Variants in TRIQK observed in about 807,000 individuals in gnomAD.
The protein encoded by TRIQK is triple QxxK/R motif containing.
Under a neutral mutation model 10.8 loss-of-function variants are expected in TRIQK, and 10 were observed. The observed-to-expected ratio is 0.92, with a 90% CI of 0.57 to 1.57. TRIQK has a LOEUF of 1.57. Among genes scored for constraint, TRIQK ranks in the 40% most tolerant of loss-of-function variants. The pLI, the probability that TRIQK is intolerant of heterozygous loss-of-function variation, is 0.00. For synonymous variants in TRIQK, 33 were observed against 33.7 expected, an observed-to-expected ratio of 0.98 and a Z score of 0.07; for missense variants, 107 against 97.7, an observed-to-expected ratio of 1.09 and a Z score of -0.40.
intron 4 of TRIQK, among the ~76,000 whole-genome samples, chr8:92,889,497 A>G (rs1250219394): frequency 6.6e-6 from 1 of 151,646 alleles, no homozygotes; most frequent in Non-Finnish European, 1.5e-5. Flanking sequence ...ACTAATATCC[A>G]TAATACTACC....
At chr8:92,937,246 A>G (rs531441732) in intron 2 of TRIQK, among the ~76,000 whole-genome samples, 1 of 140,526 alleles carries the variant, frequency 7.1e-6, no homozygotes, top group Admixed American at 6.9e-5. Flanking sequence ...AAAACAACTT[A>G]AAACATGAAA....
intron 3 of TRIQK, among the ~76,000 whole-genome samples, chr8:92,892,636 T>C (rs960956938): frequency 7.2e-5 from 11 of 151,930 alleles, no homozygotes; most frequent in Admixed American, 3.3e-4. Context: ...TTATTTCCTC[T>C]TAATAGAGAA....
At chr8:92,890,115 A>G (rs1816689376) in intron 4 of TRIQK, among the ~76,000 whole-genome samples, 1 of 151,802 alleles carries the variant, frequency 6.6e-6, no homozygotes, top group Non-Finnish European at 1.5e-5. Context: ...AAAGCATTAA[A>G]TGGCAATTGC....
chr8:92,922,345 G>C (rs545101327), intron 2 of TRIQK: 11 of 151,904 alleles, frequency 7.2e-5, no homozygotes, highest in African/African-American at 2.6e-4. Context: ...TTAATTGTGT[G>C]TGGCTAGGGA....
chr8:92,917,535 C>T (rs542119604), intron 2 of TRIQK, among the ~76,000 whole-genome samples: 1 of 151,888 alleles, frequency 6.6e-6, no homozygotes, highest in African/African-American at 2.4e-5. Flanking sequence ...AAAACTACTA[C>T]CATTTATTAA....
At position 92,883,757 on chromosome 8, in the gene TRIQK, CT is replaced by C. The variant is rs555238729; in HGVS notation, c.*2864del. The C allele has an allele frequency of 1.0e-3, 153 of 151,808 alleles. 1 individual carries two copies. Among genetic ancestry groups the C allele is most frequent in the African/African-American group, 3.4e-3 (140 of 41,486 alleles). The allele number at this position is 151,808 out of a possible 1,614,324, so 9.4% of individuals were successfully genotyped here. A position where few individuals can be genotyped will look rare whatever the true frequency, so the allele number is the denominator to read the frequency against. ...ATTGGTTGGGGTGAAAGTATTTCTT[CT>C]GTCTTCATGAAAAATTAAAAAGATA... On this transcript the variant is annotated 3_prime_UTR_variant, in exon 5 of 5. Transcript: ENST00000521988.
intron 2 of TRIQK, among the ~76,000 whole-genome samples, chr8:92,932,419 C>T (rs1810777837): frequency 6.6e-6 from 1 of 152,074 alleles, no homozygotes; most frequent in Admixed American, 6.6e-5. Flanking sequence ...ATACAGTGTT[C>T]TCATTGCATG....
intron 2 of TRIQK, among the ~76,000 whole-genome samples, chr8:92,940,526 C>T (rs1006044519): frequency 6.6e-6 from 1 of 151,850 alleles, no homozygotes; most frequent in Admixed American, 6.6e-5. Flanking sequence ...ATAAAAGAGA[C>T]AAAGAAGGTC....
intron 2 of TRIQK, among the ~76,000 whole-genome samples, chr8:92,924,261 T>C (rs558257160): frequency 1.5e-4 from 23 of 152,058 alleles, no homozygotes; most frequent in South Asian, 8.3e-4. Context: ...TTCCAGAGTA[T>C]TACAAATTTA....
intron 1 of TRIQK, among the ~76,000 whole-genome samples, chr8:92,992,748 G>T (rs1813108642): frequency 6.6e-6 from 1 of 152,094 alleles, no homozygotes; most frequent in African/African-American, 2.4e-5. Flanking sequence ...AGTTGAGTGG[G>T]GTCTGCTGAA....
chr8:92,909,869 G>C (rs542292831), intron 3 of TRIQK, among the ~76,000 whole-genome samples: 47 of 151,720 alleles, frequency 3.1e-4, no homozygotes, highest in African/African-American at 1.1e-3. Flanking sequence ...TGGGGATGTA[G>C]AGAAGTAAAA....
At chr8:93,015,151 A>G (rs748159655) in intron 1 of TRIQK, among the ~76,000 whole-genome samples, 2 of 151,908 alleles carry the variant, frequency 1.3e-5, no homozygotes, top group African/African-American at 2.4e-5. Context: ...ATTTATAGGT[A>G]TATGAACTAA....
intron 2 of TRIQK, among the ~76,000 whole-genome samples, chr8:92,942,828 G>T (rs1198071084): frequency 6.6e-6 from 1 of 151,976 alleles, no homozygotes; most frequent in Non-Finnish European, 1.5e-5. Context: ...TCAAGTAGCT[G>T]GGACTAAAGG....
At chr8:92,992,588 A>T (rs1184668646) in intron 1 of TRIQK, among the ~76,000 whole-genome samples, 1 of 152,218 alleles carries the variant, frequency 6.6e-6, no homozygotes, top group Non-Finnish European at 1.5e-5. Flanking sequence ...TGGCTGCCAC[A>T]AGGAGAGGTG....
chr8:92,909,034 G>A lies in TRIQK; in HGVS notation c.61+7895C>T, dbSNP rs541493089. Among the ~76,000 whole-genome samples, 263 of 151,902 alleles carry A rather than the reference G, an allele frequency of 1.7e-3. 2 individuals carry two copies. The highest frequency in any genetic ancestry group is 5.9e-3 in the African/African-American group (246 of 41,512). The stretch of plus-strand genomic sequence containing the variant: ...ATTTGTCATATAAAGTAAATCTGCA[G>A]CTGCCATATGAACACAATGTTTAGT... On this transcript the variant is annotated intron_variant, in intron 3 of 4. Transcript: ENST00000521988.
At chr8:92,919,253 G>A (rs552562115) in intron 2 of TRIQK, among the ~76,000 whole-genome samples, 67 of 152,000 alleles carry the variant, frequency 4.4e-4, no homozygotes, top group African/African-American at 1.6e-3. Context: ...TAGGATTTTT[G>A]TGGAGAATGT....
chr8:92,913,593 A>C (rs1809679325), intron 3 of TRIQK, among the ~76,000 whole-genome samples: 1 of 152,178 alleles, frequency 6.6e-6, no homozygotes, highest in Non-Finnish European at 1.5e-5. Flanking sequence ...CAAAAATACC[A>C]TTTGACCAAG....
At chr8:92,993,025 A>G (rs570908486) in intron 1 of TRIQK, among the ~76,000 whole-genome samples, 1 of 152,242 alleles carries the variant, frequency 6.6e-6, no homozygotes, top group East Asian at 1.9e-4. Flanking sequence ...GTCAAAAGGA[A>G]CCTATGAAGA....
At position 92,886,668 on chromosome 8, in the gene TRIQK, C is replaced by G; in HGVS notation, c.215G>C (p.Arg72Thr). ...ATCAGGGTCAACATCCGTGGTGAGT[C>G]TGAGATAAAAGAAAGCATAGAAAGC... Reference protein sequence around the residue: ...LLAFYAFFYLRLTTDVDPDLD... With the variant: ...LLAFYAFFYLTLTTDVDPDLD... The change falls in exon 5 of 5, where the codon AGA becomes ACA. Residue 72 changes from arginine to threonine, a missense_variant. By Grantham distance (71) the Arg-to-Thr change is moderately conservative. Transcript: ENST00000521988. 6.5e-7 allele frequency: 1 copy of G among 1,531,566 alleles called. No individual in the cohort carries two copies. The highest frequency in any genetic ancestry group is 1.2e-5 in the South Asian group (1 of 83,706). The allele number at this position is 1,531,566 out of a possible 1,614,324, so 94.9% of individuals were successfully genotyped here.
Sources: allele counts gnomAD v4.1 joint callset (sites outside exome capture counted in the v4.1 genomes callset), GRCh38; gene constraint gnomAD v4.1.1; transcripts MANE v1.5; gene names NCBI Gene and HGNC (gene_info 2026-07-23, HGNC 2026-07-21).